NKAIN2: variants seen among roughly 807,000 people sequenced by gnomAD.
The protein encoded by NKAIN2 is sodium/potassium-transporting ATPase subunit beta-1-interacting protein 2.
NKAIN2 carries 14 observed loss-of-function variants against 32.6 expected under a neutral mutation model. The observed-to-expected ratio is 0.43, with a 90% CI of 0.28 to 0.67. The LOEUF is 0.67. Among genes scored for constraint, NKAIN2 ranks in the 30% least tolerant of loss-of-function variants. The pLI is 0.17. For missense variants in NKAIN2, 198 were observed against 258.3 expected (o/e 0.77, Z 1.60); for synonymous variants, 80 against 87.2 (o/e 0.92, Z 0.46).
At chr6:124,560,387 C>T (rs960040760) in intron 3 of NKAIN2, among the ~76,000 whole-genome samples, 1 of 152,208 alleles carries the variant, frequency 6.6e-6, no homozygotes, top group African/African-American at 2.4e-5. Context: ...CCATGCTGAA[C>T]TGTGAGTCAA....
At chr6:124,264,459 G>A (rs549465738) in intron 1 of NKAIN2, among the ~76,000 whole-genome samples, 8 of 152,218 alleles carry the variant, frequency 5.3e-5, no homozygotes, top group South Asian at 2.1e-4. Flanking sequence ...ATTTTGGTTC[G>A]ATTTTTCAGG....
chr6:124,200,531 AT>A (rs1457167570), intron 1 of NKAIN2, among the ~76,000 whole-genome samples: 3 of 152,100 alleles, frequency 2.0e-5, no homozygotes, highest in African/African-American at 4.8e-5. Context: ...ACAAGTATAT[AT>A]TGCATTTCTC....
chr6:124,585,286 A>G (rs1781672498), intron 3 of NKAIN2, among the ~76,000 whole-genome samples: 1 of 152,232 alleles, frequency 6.6e-6, no homozygotes, highest in Non-Finnish European at 1.5e-5. Flanking sequence ...GATAGAGAGT[A>G]GAACAATGGT....
intron 3 of NKAIN2, among the ~76,000 whole-genome samples, chr6:124,582,367 ACAGG>A: frequency 6.6e-6 from 1 of 152,166 alleles, no homozygotes; most frequent in Non-Finnish European, 1.5e-5. Flanking sequence ...TTTAGAAGAA[ACAGG>A]TTAATTCCTA....
intron 1 of NKAIN2, among the ~76,000 whole-genome samples, chr6:123,836,770 T>C (rs1052142655): frequency 6.6e-6 from 1 of 152,164 alleles, no homozygotes; most frequent in African/African-American, 2.4e-5. Flanking sequence ...TGTAAAAATG[T>C]TAACATTAGG....
intron 1 of NKAIN2, among the ~76,000 whole-genome samples, chr6:123,820,962 T>C (rs1363866351): frequency 1.7e-4 from 26 of 152,192 alleles, no homozygotes; most frequent in Non-Finnish European, 3.8e-4. Context: ...AGAATGAATA[T>C]ATCACAAACC....
At chr6:124,384,870 G>A (rs564660545) in intron 3 of NKAIN2, among the ~76,000 whole-genome samples, 8 of 152,156 alleles carry the variant, frequency 5.3e-5, no homozygotes, top group East Asian at 1.9e-4. Context: ...TGATCCACCC[G>A]CTTCAGCCTC....
intron 4 of NKAIN2, among the ~76,000 whole-genome samples, chr6:124,723,321 T>C (rs536139775): frequency 6.6e-6 from 1 of 152,356 alleles, no homozygotes; most frequent in African/African-American, 2.4e-5. Flanking sequence ...GTTACCATTA[T>C]CATCACTGAA....
chr6:124,263,867 A>G (rs1794364640), intron 1 of NKAIN2, among the ~76,000 whole-genome samples: 1 of 152,100 alleles, frequency 6.6e-6, no homozygotes, highest in Admixed American at 6.6e-5. Flanking sequence ...AAATTTCAGA[A>G]CCATCTGTGC....
In NKAIN2 at chr6:124,337,366, G is replaced by C. The variant is rs1797922003; in HGVS notation, c.193-17901G>C. Among the ~76,000 whole-genome samples, 3 of 152,172 alleles carry C rather than the reference G, an allele frequency of 2.0e-5. No individual in the cohort carries two copies. The East Asian group carries it at 5.8e-4, about 30-fold the overall frequency. On this transcript the variant is annotated intron_variant, in intron 2 of 6. Coordinates refer to ENST00000368417, the MANE Select transcript of NKAIN2 (RefSeq NM_001040214.3). ...CAAAATAATAATAATAATTAGCCAG[G>C]CATGGCTGTACACACCTGTAGTCCC...
chr6:124,495,437 G>A (rs9375335), intron 3 of NKAIN2, among the ~76,000 whole-genome samples: 122,107 of 151,844 alleles, frequency 0.8, 49,305 homozygotes, highest in South Asian at 0.87. Flanking sequence ...CAGGCCTAAG[G>A]GCAGTGCCTC....
intron 1 of NKAIN2, among the ~76,000 whole-genome samples, chr6:123,986,685 A>G (rs9491032): frequency 0.71 from 108,276 of 151,734 alleles, 39,319 homozygotes; most frequent in East Asian, 0.86. Context: ...ATATTTTCAT[A>G]TTCCCAGGTA....
At chr6:123,903,965 C>T (rs777324559) in intron 1 of NKAIN2, among the ~76,000 whole-genome samples, 31 of 151,308 alleles carry the variant, frequency 2.0e-4, no homozygotes, top group Non-Finnish European at 3.8e-4. Context: ...TGGTGGCTCA[C>T]GCCTGTAATC....
chr6:124,106,333 ATGTT>A (rs1785119262), intron 1 of NKAIN2, among the ~76,000 whole-genome samples: 2 of 152,114 alleles, frequency 1.3e-5, no homozygotes, highest in South Asian at 4.1e-4. Flanking sequence ...AACACAGAAA[ATGTT>A]TGTTCTTTAA....
At chr6:123,877,872 T>C (rs556794650) in intron 1 of NKAIN2, among the ~76,000 whole-genome samples, 33 of 152,356 alleles carry the variant, frequency 2.2e-4, no homozygotes, top group Non-Finnish European at 4.3e-4. Flanking sequence ...TTTTTGATAA[T>C]TATTTTACTG....
chr6:124,820,570 C>T (rs1247236742), intron 6 of NKAIN2, among the ~76,000 whole-genome samples: 2 of 152,150 alleles, frequency 1.3e-5, no homozygotes, highest in African/African-American at 4.8e-5. Flanking sequence ...AAGTAACATA[C>T]ACTGCAAGTC....
chr6:124,408,164 G>A (rs757951609), intron 3 of NKAIN2, among the ~76,000 whole-genome samples: 24 of 152,112 alleles, frequency 1.6e-4, no homozygotes, highest in Non-Finnish European at 3.1e-4. Context: ...CACTCTGATG[G>A]TAGTTTGTTT....
At chr6:124,133,594 C>A (rs956199987) in intron 1 of NKAIN2, among the ~76,000 whole-genome samples, 14 of 151,940 alleles carry the variant, frequency 9.2e-5, no homozygotes, top group African/African-American at 3.4e-4. Flanking sequence ...AAATAAACAC[C>A]AGAAAAAAAA....
intron 4 of NKAIN2, among the ~76,000 whole-genome samples, chr6:124,709,818 G>A (rs1775338053): frequency 6.6e-6 from 1 of 151,218 alleles, no homozygotes; most frequent in African/African-American, 2.4e-5. Context: ...GGTTTTTTGT[G>A]TCTCTATTTC....
Sources: gnomAD v4.1 joint callset for allele counts (sites outside exome capture counted in the v4.1 genomes callset) on GRCh38, gnomAD v4.1.1 for gene constraint, MANE v1.5 for transcripts, NCBI Gene and HGNC (gene_info 2026-07-23, HGNC 2026-07-21) for gene names.